The following ATG5 variants were observed in gnomAD, a reference collection of about 807,000 sequenced individuals.
ATG5 encodes autophagy related 5, also known as autophagy protein 5.
Under a neutral mutation model 36.5 loss-of-function variants are expected in ATG5, and 14 were observed. The observed-to-expected ratio is 0.38, with a 90% confidence interval of 0.25 to 0.60. The LOEUF is 0.60. ATG5 is among the 20% of genes least tolerant of loss of function. ATG5 has a pLI of 0.60. For missense variants in ATG5, 195 were observed against 326.7 expected, an observed-to-expected ratio of 0.60 and a Z score of 3.11; for synonymous variants, 95 against 101.5, an observed-to-expected ratio of 0.94 and a Z score of 0.38.
intron 7 of ATG5, among the ~76,000 whole-genome samples, chr6:106,196,072 A>C (rs1256235185): frequency 6.6e-6 from 1 of 152,190 alleles, no homozygotes; most frequent in Non-Finnish European, 1.5e-5. Context: ...TCTGATGTTC[A>C]TAATCACCAT....
At chr6:106,241,458 AAAATT>A (rs1476759360) in intron 6 of ATG5, among the ~76,000 whole-genome samples, 1 of 152,246 alleles carries the variant, frequency 6.6e-6, no homozygotes, top group South Asian at 2.1e-4. Context: ...AAATAAAAAT[AAAATT>A]ATCTTATGAT....
intron 2 of ATG5, among the ~76,000 whole-genome samples, chr6:106,310,161 C>T (rs558024579): frequency 3.3e-5 from 5 of 152,072 alleles, no homozygotes; most frequent in Non-Finnish European, 7.4e-5. Flanking sequence ...CAAAATAGTG[C>T]CTGCTTTAAA....
At chr6:106,213,544 A>G (rs1302036994) in intron 6 of ATG5, among the ~76,000 whole-genome samples, 1 of 152,176 alleles carries the variant, frequency 6.6e-6, no homozygotes, top group Admixed American at 6.5e-5. Context: ...TTTTTTTTAA[A>G]TAGAGAAAGA....
At chr6:106,231,727 TTCAAAAGTCTGC>T (rs1777701373) in intron 6 of ATG5, among the ~76,000 whole-genome samples, 1 of 152,014 alleles carries the variant, frequency 6.6e-6, no homozygotes, top group South Asian at 2.1e-4. Context: ...AGGAAAAAAC[TTCAAAAGTCTGC>T]CTTAGGCCCG....
At chr6:106,216,806 G>A (rs1447499320) in intron 6 of ATG5, among the ~76,000 whole-genome samples, 1 of 152,076 alleles carries the variant, frequency 6.6e-6, no homozygotes, top group African/African-American at 2.4e-5. Context: ...TGAGCCAGGA[G>A]TTCCAGGCTG....
chr6:106,226,537 A>T (rs1777459672), intron 6 of ATG5, among the ~76,000 whole-genome samples: 1 of 152,074 alleles, frequency 6.6e-6, no homozygotes, highest in Non-Finnish European at 1.5e-5. Flanking sequence ...GCAAAGAACT[A>T]AAAAAAAGTT....
intron 4 of ATG5, among the ~76,000 whole-genome samples, chr6:106,289,022 T>C (rs941749498): frequency 6.6e-5 from 10 of 152,094 alleles, no homozygotes; most frequent in South Asian, 2.1e-4. Context: ...ATTACAACCT[T>C]TGAAAACAAT....
chr6:106,258,217 A>C (rs1337953055), intron 5 of ATG5, among the ~76,000 whole-genome samples: 1 of 151,742 alleles, frequency 6.6e-6, no homozygotes, highest in Non-Finnish European at 1.5e-5. Context: ...AAAAAAAAAA[A>C]ATTAGCCAAG....
intron 6 of ATG5, among the ~76,000 whole-genome samples, chr6:106,245,615 C>T (rs1778299926): frequency 6.6e-6 from 1 of 152,078 alleles, no homozygotes. Context: ...CTCAAGCATG[C>T]TCAGTACTCT....
At chr6:106,270,684 T>G (rs956982757) in intron 5 of ATG5, among the ~76,000 whole-genome samples, 1 of 152,224 alleles carries the variant, frequency 6.6e-6, no homozygotes, top group African/African-American at 2.4e-5. Context: ...TAGCAAAATC[T>G]AATTCAGTGT....
intron 7 of ATG5, among the ~76,000 whole-genome samples, chr6:106,187,224 C>G (rs1384838500): frequency 1.3e-5 from 2 of 152,088 alleles, no homozygotes; most frequent in African/African-American, 2.4e-5. Flanking sequence ...ATTTGAATAA[C>G]AGTTAAAATT....
intron 6 of ATG5, among the ~76,000 whole-genome samples, chr6:106,231,154 G>T (rs1298657138): frequency 6.6e-6 from 1 of 152,170 alleles, no homozygotes; most frequent in African/African-American, 2.4e-5. Context: ...CAGCCAGAGT[G>T]CACGTACCTT....
intron 6 of ATG5, among the ~76,000 whole-genome samples, chr6:106,239,419 C>G (rs748014991): frequency 2.6e-5 from 4 of 151,986 alleles, no homozygotes; most frequent in African/African-American, 9.7e-5. Flanking sequence ...AAATTTAAAT[C>G]GAAATTTAAT....
chr6:106,262,976 G>A (rs1779087233), intron 5 of ATG5, among the ~76,000 whole-genome samples: 1 of 152,182 alleles, frequency 6.6e-6, no homozygotes, highest in Admixed American at 6.5e-5. Flanking sequence ...AGTGGCGCCT[G>A]GAACCCCAGA....
intron 6 of ATG5, among the ~76,000 whole-genome samples, chr6:106,203,339 C>T (rs1439856641): frequency 1.3e-5 from 2 of 152,062 alleles, no homozygotes; most frequent in Non-Finnish European, 2.9e-5. Context: ...TGAAGAGCAC[C>T]ACTGTTTGCA....
At chr6:106,296,743 G>A (rs1247062782) in intron 3 of ATG5, among the ~76,000 whole-genome samples, 1 of 152,158 alleles carries the variant, frequency 6.6e-6, no homozygotes, top group Non-Finnish European at 1.5e-5. Flanking sequence ...ACTTGAACCT[G>A]GGAGGTGGAG....
chr6:106,265,241 C>A (rs1161406109), intron 5 of ATG5, among the ~76,000 whole-genome samples: 1 of 148,252 alleles, frequency 6.7e-6, no homozygotes, highest in Non-Finnish European at 1.5e-5. Flanking sequence ...CAACAAAGAT[C>A]AAAAAAGACA....
chr6:106,248,458 C>T (rs568134197), intron 5 of ATG5, among the ~76,000 whole-genome samples: 7 of 152,172 alleles, frequency 4.6e-5, no homozygotes, highest in African/African-American at 7.2e-5. Flanking sequence ...CCTAGATATT[C>T]GCACAGCCAT....
chr6:106,257,448 G>C (rs1325913528), intron 5 of ATG5, among the ~76,000 whole-genome samples: 1 of 152,068 alleles, frequency 6.6e-6, no homozygotes, highest in Admixed American at 6.6e-5. Context: ...ATGGTACAAG[G>C]GCTATCAGGT....
Sources: gnomAD v4.1 joint callset for allele counts (sites outside exome capture counted in the v4.1 genomes callset) on GRCh38, gnomAD v4.1.1 for gene constraint, MANE v1.5 for transcripts, NCBI Gene and HGNC (gene_info 2026-07-23, HGNC 2026-07-21) for gene names.